Variants in ADAMTSL3 observed in about 807,000 individuals in gnomAD.
ADAMTSL3 encodes ADAMTS-like protein 3.
Under a neutral mutation model 201.7 loss-of-function variants are expected in ADAMTSL3, and 128 were observed. That is an observed-to-expected ratio of 0.63 (90% CI 0.55 to 0.73). ADAMTSL3 has a LOEUF of 0.73. Among genes scored for constraint, ADAMTSL3 ranks in the 30% least tolerant of loss-of-function variants. The pLI is 0.00. For missense variants in ADAMTSL3, 1,990 were observed against 2,119.6 expected, an observed-to-expected ratio of 0.94 and a Z score of 1.20; for synonymous variants, 738 against 748.4, an observed-to-expected ratio of 0.99 and a Z score of 0.23.
intron 10 of ADAMTSL3, among the ~76,000 whole-genome samples, chr15:83,887,460 C>T (rs2065418194): frequency 6.6e-6 from 1 of 152,170 alleles, no homozygotes; most frequent in Non-Finnish European, 1.5e-5. Flanking sequence ...AAGTTTCTAC[C>T]AGCTCTGACA....
At chr15:83,889,181 A>G (rs76924631) in intron 10 of ADAMTSL3, among the ~76,000 whole-genome samples, 2,973 of 152,278 alleles carry the variant, frequency 0.02, 99 homozygotes, top group African/African-American at 0.065. Flanking sequence ...ATTTAATAGA[A>G]TCAGGAATAA....
At chr15:83,669,156 A>T (rs1042534491) in intron 2 of ADAMTSL3, among the ~76,000 whole-genome samples, 10 of 151,862 alleles carry the variant, frequency 6.6e-5, no homozygotes, top group Non-Finnish European at 1.0e-4. Context: ...GTATTTATTT[A>T]TTTTTTTTAG....
In ADAMTSL3 at chr15:83,983,324, C is replaced by A; in HGVS notation, c.3696C>A (p.Thr1232=). 1 of 1,534,334 alleles carries A rather than the reference C, an allele frequency of 6.5e-7. No homozygotes were observed. Among genetic ancestry groups the A allele is most frequent in the South Asian group, 1.3e-5 (1 of 77,526 alleles). Reference sequence around the variant, plus strand: ...CATATACATGGACCAAGGATGGAACCTTGTTACAGCCCTCAGTAAAGTAAG... The same window carrying A: ...CATATACATGGACCAAGGATGGAACATTGTTACAGCCCTCAGTAAAGTAAG... ...EATYTWTKDG[T]LLQPSVKIIL... The change falls in exon 21 of 30, where the codon ACC becomes ACA. Residue 1232 remains threonine (T), a synonymous_variant. Transcript: ENST00000286744.
In ADAMTSL3 at chr15:83,942,582, G is replaced by C. The variant is rs2066580661; in HGVS notation, c.2118-14G>C. 6.2e-7 allele frequency: 1 copy of C among 1,605,666 alleles called. No individual in the cohort carries two copies. The highest frequency in any genetic ancestry group is 8.5e-7 in the Non-Finnish European group (1 of 1,176,384). On this transcript the variant is annotated splice_polypyrimidine_tract_variant and intron_variant, in intron 17 of 29. Coordinates refer to ENST00000286744, the MANE Select transcript of ADAMTSL3 (RefSeq NM_207517.3). ...TTGGACTGTTCAACTTTCCCCACTT[G>C]TTTTCTGTTTTAGGTGGCATGTGGG...
chr15:83,979,597 A>G (rs1054011475), intron 20 of ADAMTSL3, among the ~76,000 whole-genome samples: 1 of 152,220 alleles, frequency 6.6e-6, no homozygotes, highest in Non-Finnish European at 1.5e-5. Context: ...AACTTGCTTT[A>G]ACAGCCATCT....
chr15:84,005,061 A>T (rs902016134), intron 23 of ADAMTSL3, among the ~76,000 whole-genome samples: 4 of 152,272 alleles, frequency 2.6e-5, no homozygotes, highest in Non-Finnish European at 4.4e-5. Context: ...CCCCAGAAAT[A>T]GAGTGAGAGG....
intron 27 of ADAMTSL3, 94 bp from the exon 28 acceptor site, chr15:84,031,241 G>A (rs1179575038): frequency 1.1e-5 from 14 of 1,234,620 alleles, no homozygotes; most frequent in South Asian, 2.6e-5. Context: ...CCTTGTAATA[G>A]GTCTTCAGCT....
chr15:83,921,316 C>T (rs1259757175), intron 16 of ADAMTSL3, among the ~76,000 whole-genome samples: 11 of 152,270 alleles, frequency 7.2e-5, no homozygotes, highest in African/African-American at 2.2e-4. Context: ...TAATGTTCCA[C>T]GGATGCTTCA....
At chr15:83,689,097 A>T (rs2061578599) in intron 2 of ADAMTSL3, among the ~76,000 whole-genome samples, 1 of 152,240 alleles carries the variant, frequency 6.6e-6, no homozygotes, top group Admixed American at 6.5e-5. Context: ...TGTTGGGATT[A>T]CAGGTGTGAG....
chr15:84,012,015 A>G (rs886199498), intron 23 of ADAMTSL3, among the ~76,000 whole-genome samples: 1 of 152,234 alleles, frequency 6.6e-6, no homozygotes, highest in Non-Finnish European at 1.5e-5. Flanking sequence ...GTATGTGTAT[A>G]TGTGTAGAAG....
chr15:83,874,598 C>T (rs1218871519), intron 9 of ADAMTSL3, among the ~76,000 whole-genome samples: 1 of 143,532 alleles, frequency 7.0e-6, no homozygotes, highest in African/African-American at 2.7e-5. Flanking sequence ...GTTAGTAGCT[C>T]CTCCTTTCAC....
intron 4 of ADAMTSL3, among the ~76,000 whole-genome samples, chr15:83,785,793 C>CTT (rs201429755): frequency 6.7e-6 from 1 of 148,510 alleles, no homozygotes; most frequent in Non-Finnish European, 1.5e-5. Context: ...TTACTTTCCT[C>CTT]TTTTTTTTTT....
At chr15:83,849,285 C>G (rs2064561642) in intron 7 of ADAMTSL3, among the ~76,000 whole-genome samples, 1 of 152,090 alleles carries the variant, frequency 6.6e-6, no homozygotes, top group Non-Finnish European at 1.5e-5. Context: ...TACCACCACA[C>G]CTGGCTAATT....
chr15:83,693,367 G>A (rs749781073), intron 2 of ADAMTSL3, among the ~76,000 whole-genome samples: 21 of 152,182 alleles, frequency 1.4e-4, no homozygotes, highest in Non-Finnish European at 2.1e-4. Flanking sequence ...GAGGTGCTTG[G>A]GGAGCAGCCA....
intron 23 of ADAMTSL3, among the ~76,000 whole-genome samples, chr15:83,998,869 A>T (rs935312286): frequency 1.3e-5 from 2 of 152,250 alleles, no homozygotes; most frequent in African/African-American, 4.8e-5. Flanking sequence ...CCATGAGTCC[A>T]GCCCTGTTTT....
chr15:84,021,235 A>G (rs531699076), intron 25 of ADAMTSL3, among the ~76,000 whole-genome samples, 175 bp from the exon 26 acceptor site: 2 of 152,308 alleles, frequency 1.3e-5, no homozygotes, highest in South Asian at 2.1e-4. Flanking sequence ...ATTACAGTAA[A>G]TTAGTTGAGG....
chr15:83,733,421 C>A (rs1230679347), intron 3 of ADAMTSL3, among the ~76,000 whole-genome samples: 1 of 151,964 alleles, frequency 6.6e-6, no homozygotes, highest in Non-Finnish European at 1.5e-5. Flanking sequence ...AGGTACTGAC[C>A]CTGTTGGGTA....
chr15:83,985,713 A>G (rs1174669814), intron 21 of ADAMTSL3, among the ~76,000 whole-genome samples: 3 of 152,008 alleles, frequency 2.0e-5, no homozygotes, highest in Non-Finnish European at 2.9e-5. Flanking sequence ...GCTTACTGCA[A>G]CCTCTGCCTC....
intron 12 of ADAMTSL3, among the ~76,000 whole-genome samples, chr15:83,891,788 T>C (rs1399458609): frequency 6.6e-6 from 1 of 152,236 alleles, no homozygotes; most frequent in African/African-American, 2.4e-5. Flanking sequence ...CCACACTGTA[T>C]GTTTTAATTG....
Sources: allele counts gnomAD v4.1 joint callset (sites outside exome capture counted in the v4.1 genomes callset), GRCh38; gene constraint gnomAD v4.1.1; transcripts MANE v1.5; gene names NCBI Gene and HGNC (gene_info 2026-07-23, HGNC 2026-07-21).